COL4A4: variants seen among roughly 807,000 people sequenced by gnomAD.
COL4A4 encodes the protein collagen alpha-4(IV) chain.
In COL4A4, 105 loss-of-function variants were observed where a neutral mutation model predicts 192.9. That is an observed-to-expected ratio of 0.54 (90% CI 0.46 to 0.64). The LOEUF (loss-of-function observed/expected upper bound fraction) is 0.64. Ranked by LOEUF, COL4A4 falls within the 30% of genes least tolerant of loss-of-function variation. The probability of loss-of-function intolerance (pLI) is 0.00; values close to 1 mark genes in which losing one functional copy is unlikely to be tolerated. For missense variants in COL4A4, 1,967 were observed against 2,169.3 expected, an observed-to-expected ratio of 0.91 and a Z score of 1.85; for synonymous variants, 762 against 769.9, an observed-to-expected ratio of 0.99 and a Z score of 0.17.
intron 25 of COL4A4, among the ~76,000 whole-genome samples, chr2:227,074,898 G>A (rs533996464): frequency 6.6e-6 from 1 of 152,096 alleles, no homozygotes; most frequent in Non-Finnish European, 1.5e-5. Flanking sequence ...CAGAGATTCA[G>A]AAAAGGGAGG....
rs1398573472 is a variant in COL4A4, at chr2:227,094,126, A to T, written c.1368T>A (p.Ser456Arg). 1 of 1,613,598 alleles carries T rather than the reference A, an allele frequency of 6.2e-7. No homozygotes were observed. Among genetic ancestry groups the T allele is most frequent in the South Asian group, 1.1e-5 (1 of 90,994 alleles). ...GGATATGAATAAGGAGTACTTTACC[A>T]CTTGATCCTGGGAGGCCCTGCAGGC... ...APGLQGLPGS[S>R]VIYCSVGNPG... Residue 456 changes from serine to arginine, a missense_variant and splice_region_variant, in exon 20 of 48, where the codon AGT (serine) becomes AGA (arginine). By Grantham distance (110) the Ser-to-Arg change is moderately radical. Coordinates refer to ENST00000396625, the MANE Select transcript of COL4A4 (RefSeq NM_000092.5).
At chr2:227,148,840 CTTT>C (rs567170955) in intron 1 of COL4A4, among the ~76,000 whole-genome samples, 5 of 139,328 alleles carry the variant, frequency 3.6e-5, no homozygotes, top group Non-Finnish European at 4.7e-5. Flanking sequence ...ATGTTACCAA[CTTT>C]TTTTTTTTTT....
intron 4 of COL4A4, among the ~76,000 whole-genome samples, chr2:227,130,162 A>T (rs905072172): frequency 3.9e-5 from 6 of 152,178 alleles, no homozygotes; most frequent in African/African-American, 1.4e-4. Context: ...GTTTTCTTGT[A>T]CCTTAAAGTA....
intron 42 of COL4A4, among the ~76,000 whole-genome samples, chr2:227,027,392 C>A (rs1382784364): frequency 1.3e-5 from 2 of 149,742 alleles, no homozygotes; most frequent in Non-Finnish European, 3.0e-5. Context: ...AAACCAAACA[C>A]CGCATGTTCT....
At chr2:226,982,340 C>T in the COL4A4 span, among the ~76,000 whole-genome samples, 51 of 152,266 alleles carry the variant, frequency 3.3e-4, 1 homozygote, top group East Asian at 9.1e-3. Flanking sequence ...TCTCCTAGGC[C>T]GCAGATAATC....
rs1251550070 is a variant in COL4A4 at position 227,041,831 on chromosome 2, AGAAAGAAAGAAAGAAAG to A, written c.3505+300_3505+316del. On this transcript the variant is annotated intron_variant, in intron 37 of 47. Coordinates refer to ENST00000396625, the MANE Select transcript of COL4A4 (RefSeq NM_000092.5). ...AAGAAAGAAAGAAAGAAAGAAAGAA[AGAAAGAAAGAAAGAAAG>A]AGAAAGAAAGAAAGAAAGAAAGAAA... 6.8e-5 allele frequency among the ~76,000 whole-genome samples: 3 copies of A among 43,862 alleles called. No homozygotes were observed. The East Asian group carries it at 1.8e-3, about 26-fold the overall frequency. 28.8% of individuals were successfully genotyped at this position (43,862 alleles called of 152,430 possible).
intron 43 of COL4A4, among the ~76,000 whole-genome samples, chr2:227,023,998 C>T (rs866447184): frequency 2.4e-5 from 3 of 122,500 alleles, no homozygotes; most frequent in Non-Finnish European, 3.4e-5. Context: ...GAGCAAGACT[C>T]TGTCTCAAAA....
chr2:227,145,021 G>GA (rs1274499491), intron 2 of COL4A4, among the ~76,000 whole-genome samples: 1 of 151,944 alleles, frequency 6.6e-6, no homozygotes, highest in East Asian at 1.9e-4. Context: ...ATGGTTTGGA[G>GA]AAAAAAGGAA....
intron 20 of COL4A4, among the ~76,000 whole-genome samples, chr2:227,091,287 T>TATAGATATAGATATAA (rs2059913073): frequency 6.6e-6 from 1 of 151,202 alleles, no homozygotes; most frequent in Admixed American, 6.6e-5. Flanking sequence ...TAGATATAGA[T>TATAGATATAGATATAA]ATAGATATAG....
the COL4A4 span, among the ~76,000 whole-genome samples, chr2:226,983,643 T>C: frequency 2.6e-5 from 4 of 152,186 alleles, no homozygotes; most frequent in African/African-American, 9.6e-5. Context: ...ATTCCTTGAA[T>C]GCTTGGGATG....
chr2:227,075,424 C>T (rs566770154), intron 25 of COL4A4, among the ~76,000 whole-genome samples: 40 of 152,166 alleles, frequency 2.6e-4, no homozygotes, highest in Non-Finnish European at 4.7e-4. Context: ...AAAAGGCCTT[C>T]AATAAAATTC....
chr2:227,009,731 GAAA>G (rs1281141785), intron 46 of COL4A4, among the ~76,000 whole-genome samples: 3 of 44,956 alleles, frequency 6.7e-5, no homozygotes, highest in Non-Finnish European at 1.2e-4. Context: ...GAAGAGAAGA[GAAA>G]AGAGAAGAGA....
At position 227,077,910 on chromosome 2, in the gene COL4A4, G is replaced by T; in HGVS notation, c.1971C>A (p.Gly657=). 6.2e-7 allele frequency: 1 copy of T among 1,613,204 alleles called. No homozygotes were observed. Among genetic ancestry groups the T allele is most frequent in the Non-Finnish European group, 8.5e-7 (1 of 1,179,964 alleles). The stretch of plus-strand genomic sequence containing the variant: ...TAAAATTACCTTTCTGACCCTTCAA[G>T]CCATCAGGGCCCCTCACACCTGGGT... The part of the protein sequence containing the change: ...PGHPGVRGPD[G]LKGQKGDTIS... Residue 657 remains glycine (G), a synonymous_variant, in exon 25 of 48, where the codon GGC becomes GGA. Transcript: ENST00000396625.
the COL4A4 span, among the ~76,000 whole-genome samples, chr2:226,970,227 C>T: frequency 6.6e-6 from 1 of 151,882 alleles, no homozygotes. Flanking sequence ...ACTATTGTTG[C>T]TAGCTGGGAG....
At chr2:226,980,990 G>A in the COL4A4 span, among the ~76,000 whole-genome samples, 1 of 152,222 alleles carries the variant, frequency 6.6e-6, no homozygotes, top group Non-Finnish European at 1.5e-5. Flanking sequence ...AGTTCAGTTT[G>A]AGACTGAGGC....
In COL4A4 at chr2:227,041,826, AAGAAAGAAAGAAAGAAAGAAAG is replaced by A. The variant is rs1559477445; in HGVS notation, c.3505+300_3505+321del. Among the ~76,000 whole-genome samples the A allele has an allele frequency of 7.1e-4, 27 of 38,176 alleles. 1 individual carries two copies. Among genetic ancestry groups the A allele is most frequent in the African/African-American group, 3.2e-3 (23 of 7,084 alleles). The allele number at this position is 38,176 out of a possible 152,430, so 25.0% of individuals were successfully genotyped here. ...AAAGGAAGAAAGAAAGAAAGAAAGA[AAGAAAGAAAGAAAGAAAGAAAG>A]AGAAAGAAAGAAAGAAAGAAAGAAA... On this transcript the variant is annotated intron_variant, in intron 37 of 47. Transcript: ENST00000396625.
chr2:227,003,280 T>C lies in COL4A4; in HGVS notation c.*4045A>G, dbSNP rs1961413991. 6.6e-6 allele frequency: 1 copy of C among 152,198 alleles called. No homozygotes were observed. Among genetic ancestry groups the C allele is most frequent in the South Asian group, 2.1e-4 (1 of 4,824 alleles). The allele number at this position is 152,198 out of a possible 1,614,324, so 9.4% of individuals were successfully genotyped here. Reference sequence around the variant, plus strand: ...TTTTAAATACAAAATGTGACCATAGTAAGTGTATGATGATGGGTATGCTAG... The same window carrying C: ...TTTTAAATACAAAATGTGACCATAGCAAGTGTATGATGATGGGTATGCTAG... On this transcript the variant is annotated 3_prime_UTR_variant, in exon 48 of 48. Coordinates refer to ENST00000396625, the MANE Select transcript of COL4A4 (RefSeq NM_000092.5).
chr2:227,087,689 C>T (rs1053248073), intron 22 of COL4A4, among the ~76,000 whole-genome samples: 6 of 152,168 alleles, frequency 3.9e-5, no homozygotes, highest in Non-Finnish European at 5.9e-5. Context: ...CAGCCAATGT[C>T]CCTTATCCAT....
chr2:227,066,767 A>G (rs2058367310), intron 25 of COL4A4, among the ~76,000 whole-genome samples: 1 of 151,998 alleles, frequency 6.6e-6, no homozygotes. Context: ...AAATCATGCC[A>G]AAATGTAAAG....
Sources: allele counts gnomAD v4.1 joint callset (sites outside exome capture counted in the v4.1 genomes callset), GRCh38; gene constraint gnomAD v4.1.1; transcripts MANE v1.5; gene names NCBI Gene and HGNC (gene_info 2026-07-23, HGNC 2026-07-21).